COL4A6: variants seen among roughly 807,000 people sequenced by gnomAD.
COL4A6 encodes collagen alpha-6(IV) chain.
Under a neutral mutation model 126.7 loss-of-function variants are expected in COL4A6, and 59 were observed. That is an observed-to-expected ratio of 0.47 (90% CI 0.38 to 0.58). COL4A6 has a LOEUF of 0.58. COL4A6 is among the 20% of genes least tolerant of loss of function. The pLI is 0.00. For missense variants in COL4A6, 1,285 were observed against 1,337.3 expected (o/e 0.96, Z 0.61); for synonymous variants, 547 against 496.6 (o/e 1.10, Z -1.35).
At chrX:108,407,726 A>T (rs1486800000) in intron 2 of COL4A6, among the ~76,000 whole-genome samples, 1 of 112,052 alleles carries the variant, frequency 8.9e-6, no homozygotes, top group Non-Finnish European at 1.9e-5. Context: ...TGTAAGATTG[A>T]TTTGAAAAAG....
chrX:108,217,012 G>T (rs1257513878), intron 5 of COL4A6, among the ~76,000 whole-genome samples: 1 of 112,272 alleles, frequency 8.9e-6, no homozygotes, highest in East Asian at 2.8e-4. Context: ...ACTCACAGCT[G>T]GGATATCATT....
chrX:108,332,041 C>A (rs1320576885), intron 2 of COL4A6, among the ~76,000 whole-genome samples: 1 of 111,115 alleles, frequency 9.0e-6, no homozygotes, highest in Non-Finnish European at 1.9e-5. Context: ...GTCTATTATT[C>A]CTTTCTGTAT....
At chrX:108,363,292 C>A (rs2040127752) in intron 2 of COL4A6, among the ~76,000 whole-genome samples, 1 of 112,014 alleles carries the variant, frequency 8.9e-6, no homozygotes, top group African/African-American at 3.2e-5. Flanking sequence ...AATCAATTGG[C>A]ATTCTACAAT....
At position 108,172,549 on chromosome X, in the gene COL4A6, G is replaced by T. The variant is rs749984704; in HGVS notation, c.3139-17C>A. The T allele has an allele frequency of 5.1e-6, 6 of 1,181,776 alleles. No individual in the cohort carries two copies. The East Asian group carries it at 1.8e-4, about 36-fold the overall frequency. ...TTGTGAACCCTTCGAAGCAATATGG[G>T]AATCATCATTTCTGCCCAGAGCTCA... is the stretch of plus-strand genomic sequence containing the variant. On this transcript the variant is annotated splice_polypyrimidine_tract_variant and intron_variant, in intron 31 of 44. Coordinates refer to ENST00000334504, the MANE Select transcript of COL4A6 (RefSeq NM_033641.4).
chrX:108,421,786 C>T (rs1484180419), intron 2 of COL4A6, among the ~76,000 whole-genome samples: 1 of 111,582 alleles, frequency 9.0e-6, no homozygotes, highest in Non-Finnish European at 1.9e-5. Flanking sequence ...GAACGATATA[C>T]ACCAAATTTA....
intron 3 of COL4A6, among the ~76,000 whole-genome samples, chrX:108,286,530 A>T (rs1391424146): frequency 8.9e-6 from 1 of 111,757 alleles, no homozygotes; most frequent in Non-Finnish European, 1.9e-5. Flanking sequence ...TGACCCTGGG[A>T]CTAAGTTCTG....
At chrX:108,174,326 C>G (rs998927588) in intron 31 of COL4A6, 114 bp downstream of exon 31, 2 of 762,983 alleles carry the variant, frequency 2.6e-6, no homozygotes, top group South Asian at 5.2e-5. Context: ...TGAGGATGTC[C>G]TGGGAGAAGG....
At chrX:108,386,081 G>A (rs1307562121) in intron 2 of COL4A6, among the ~76,000 whole-genome samples, 1 of 111,827 alleles carries the variant, frequency 8.9e-6, no homozygotes, top group African/African-American at 3.3e-5. Context: ...AGTATTCCAT[G>A]GGGTATATGT....
chrX:108,351,174 T>C (rs902810419), intron 2 of COL4A6, among the ~76,000 whole-genome samples: 1 of 111,429 alleles, frequency 9.0e-6, no homozygotes, highest in Non-Finnish European at 1.9e-5. Flanking sequence ...AATTGTGCCC[T>C]ATTGACAGTT....
chrX:108,383,619 A>G, intron 2 of COL4A6: 1 of 542,563 alleles, frequency 1.8e-6, no homozygotes, highest in Non-Finnish European at 3.1e-6. Flanking sequence ...GATGCCCCAA[A>G]ATGGGGCACT....
At chrX:108,377,878 C>T (rs2040476470) in intron 2 of COL4A6, among the ~76,000 whole-genome samples, 1 of 91,779 alleles carries the variant, frequency 1.1e-5, no homozygotes, top group South Asian at 6.0e-4. Flanking sequence ...GGAGGCGGAG[C>T]TTGCAGTGAG....
At chrX:108,273,082 C>T (rs1004746956) in intron 3 of COL4A6, among the ~76,000 whole-genome samples, 5 of 110,337 alleles carry the variant, frequency 4.5e-5, no homozygotes, top group East Asian at 2.8e-4. Context: ...TATCCCTCCC[C>T]GCTCCCTCCA....
intron 44 of COL4A6, 103 bp downstream of exon 44, chrX:108,159,358 TC>T: frequency 1.0e-6 from 1 of 973,491 alleles, no homozygotes; most frequent in Admixed American, 2.9e-5. Flanking sequence ...GCATTTCTCT[TC>T]TTTTCAAACT....
chrX:108,217,216 C>A (rs1417699585), intron 5 of COL4A6, among the ~76,000 whole-genome samples: 1 of 112,247 alleles, frequency 8.9e-6, no homozygotes, highest in East Asian at 2.8e-4. Flanking sequence ...GAGAACAAAG[C>A]TAGTGACACA....
chrX:108,185,502 A>G (rs1245071266), intron 23 of COL4A6, among the ~76,000 whole-genome samples: 2 of 111,979 alleles, frequency 1.8e-5, no homozygotes, highest in Non-Finnish European at 3.8e-5. Context: ...TGTACCATCT[A>G]CCATCAACCT....
At chrX:108,265,174 A>G (rs1304986531) in intron 3 of COL4A6, among the ~76,000 whole-genome samples, 1 of 111,340 alleles carries the variant, frequency 9.0e-6, no homozygotes, top group Non-Finnish European at 1.9e-5. Context: ...CATCCCATTC[A>G]AAATCCATAT....
intron 31 of COL4A6, 60 bp from the exon 32 acceptor site, chrX:108,172,592 A>T: frequency 1.1e-6 from 1 of 940,280 alleles, no homozygotes; most frequent in Non-Finnish European, 1.5e-6. Context: ...CCACCCTCTT[A>T]CTTCCTCACC....
chrX:108,212,300 A>T (rs1413176550), intron 6 of COL4A6, among the ~76,000 whole-genome samples: 1 of 110,711 alleles, frequency 9.0e-6, no homozygotes, highest in Non-Finnish European at 1.9e-5. Flanking sequence ...GGTCTAAAAG[A>T]TATCTACAAA....
At chrX:108,193,516 T>A (rs1332633590) in intron 17 of COL4A6, 112 bp downstream of exon 17, 21 of 641,386 alleles carry the variant, frequency 3.3e-5, no homozygotes, top group Non-Finnish European at 4.7e-5. Flanking sequence ...CTTGGGTGTG[T>A]CAAGTTTAGC....
Sources: gnomAD v4.1 joint callset for allele counts (sites outside exome capture counted in the v4.1 genomes callset) on GRCh38, gnomAD v4.1.1 for gene constraint, MANE v1.5 for transcripts, NCBI Gene and HGNC (gene_info 2026-07-23, HGNC 2026-07-21) for gene names.